ERGIC1: variants seen among roughly 807,000 people sequenced by gnomAD.
The protein encoded by ERGIC1 is endoplasmic reticulum-Golgi intermediate compartment protein 1.
ERGIC1 carries 19 observed loss-of-function variants against 38.3 expected under a neutral mutation model. That is an observed-to-expected ratio of 0.50 (90% CI 0.35 to 0.73). The LOEUF is 0.73. Among genes scored for constraint, ERGIC1 ranks in the 30% least tolerant of loss-of-function variants. The probability of loss-of-function intolerance (pLI) is 0.01; values close to 1 mark genes in which losing one functional copy is unlikely to be tolerated. For missense variants in ERGIC1, 294 were observed against 389.2 expected, an observed-to-expected ratio of 0.76 and a Z score of 2.06; for synonymous variants, 124 against 157.6, an observed-to-expected ratio of 0.79 and a Z score of 1.60.
At chr5:172,893,941 A>ATATATATATATATATATATG (rs1259799557) in intron 2 of ERGIC1, among the ~76,000 whole-genome samples, 1,469 of 38,636 alleles carry the variant, frequency 0.038, 84 homozygotes, top group Non-Finnish European at 0.066. Context: ...GTGTGTATAT[A>ATATATATATATATATATATG]TATATATATA....
intron 5 of ERGIC1, chr5:172,915,831 C>A: frequency 2.8e-6 from 1 of 351,634 alleles, no homozygotes; most frequent in Non-Finnish European, 5.9e-6. Context: ...CTCCTGCAGC[C>A]TCTGCTCAGA....
In ERGIC1 at chr5:172,938,644, C is replaced by T. The variant is rs370876499; in HGVS notation, c.765+3334C>T. 4.6e-5 allele frequency among the ~76,000 whole-genome samples: 7 copies of T among 151,220 alleles called. No individual in the cohort carries two copies. The East Asian group carries it at 5.9e-4, about 13-fold the overall frequency. On this transcript the variant is annotated intron_variant, in intron 9 of 9. Coordinates refer to ENST00000393784, the MANE Select transcript of ERGIC1 (RefSeq NM_001031711.3). Reference sequence around the variant, plus strand: ...GTGGGCACTTGTAGTCCCAGCTACTCGGGAGGCTGAGGCCGGAGAATCCCT... The same window carrying T: ...GTGGGCACTTGTAGTCCCAGCTACTTGGGAGGCTGAGGCCGGAGAATCCCT...
chr5:172,889,285 A>G (rs917886340), intron 2 of ERGIC1, among the ~76,000 whole-genome samples: 7 of 151,662 alleles, frequency 4.6e-5, no homozygotes, highest in Admixed American at 6.7e-5. Context: ...ACTCCATCTA[A>G]AAAAAAACAG....
intron 9 of ERGIC1, among the ~76,000 whole-genome samples, chr5:172,948,743 A>G (rs1236649896): frequency 2.0e-5 from 3 of 152,162 alleles, no homozygotes; most frequent in African/African-American, 4.8e-5. Flanking sequence ...TCAAGAGGAA[A>G]ATATGCTTAA....
intron 3 of ERGIC1, among the ~76,000 whole-genome samples, chr5:172,908,186 G>A (rs1335316968): frequency 6.6e-6 from 1 of 150,590 alleles, no homozygotes; most frequent in African/African-American, 2.4e-5. Context: ...ATGGGGAGAG[G>A]ATCCTGGGTT....
intron 1 of ERGIC1, among the ~76,000 whole-genome samples, chr5:172,870,723 G>A (rs1240255757): frequency 6.6e-6 from 1 of 152,198 alleles, no homozygotes; most frequent in Non-Finnish European, 1.5e-5. Flanking sequence ...GGGGAGCGGG[G>A]AGCAGAGCCC....
At chr5:172,888,599 G>A (rs1762478797) in intron 1 of ERGIC1, 100 bp from the exon 2 acceptor site, 1 of 947,424 alleles carries the variant, frequency 1.1e-6, no homozygotes, top group Non-Finnish European at 1.7e-6. Flanking sequence ...AAGAACCATG[G>A]TTTGTTGAAC....
intron 3 of ERGIC1, among the ~76,000 whole-genome samples, chr5:172,902,976 C>A (rs988385403): frequency 2.6e-5 from 4 of 152,196 alleles, no homozygotes; most frequent in Admixed American, 1.3e-4. Context: ...ACACTCCCCC[C>A]ACCCACACCT....
At chr5:172,925,580 T>C (rs770821068) in intron 6 of ERGIC1, among the ~76,000 whole-genome samples, 31 of 152,274 alleles carry the variant, frequency 2.0e-4, no homozygotes, top group Non-Finnish European at 4.1e-4. Flanking sequence ...CAGAATCATG[T>C]CCCCACGTAC....
intron 7 of ERGIC1, among the ~76,000 whole-genome samples, chr5:172,928,155 C>T (rs1302271715): frequency 1.3e-5 from 2 of 152,192 alleles, no homozygotes; most frequent in Non-Finnish European, 2.9e-5. Flanking sequence ...GATGGACCCT[C>T]AGCTGCTGGA....
At chr5:172,886,195 G>A (rs1234989945) in intron 1 of ERGIC1, among the ~76,000 whole-genome samples, 6 of 151,808 alleles carry the variant, frequency 4.0e-5, no homozygotes, top group Non-Finnish European at 7.4e-5. Context: ...CTCCAGCCCC[G>A]CCCCAGTTTT....
intron 9 of ERGIC1, among the ~76,000 whole-genome samples, chr5:172,943,701 A>T (rs1764059504): frequency 1.3e-5 from 2 of 152,214 alleles, no homozygotes; most frequent in Middle Eastern, 6.8e-3. Context: ...CAGAGCTGGG[A>T]TTGGACCGCA....
Position 172,919,057 on chromosome 5 carries a change from G to A in ERGIC1, c.375+4219G>A, listed in dbSNP as rs1581574840. On this transcript the variant is annotated intron_variant, in intron 5 of 9. Transcript: ENST00000393784. ...GCATCCACCTCACGCCTGGCTCTGT[G>A]CTTGGCGCTGGGCTGCAATGGGAGA... is the stretch of plus-strand genomic sequence containing the variant. Among the ~76,000 whole-genome samples, 8 of 152,296 alleles carry A rather than the reference G, an allele frequency of 5.3e-5. 1 individual carries two copies. The South Asian group carries it at 1.7e-3, about 32-fold the overall frequency.
At chr5:172,893,849 G>A (rs1200434098) in intron 2 of ERGIC1, among the ~76,000 whole-genome samples, 14 of 125,470 alleles carry the variant, frequency 1.1e-4, no homozygotes, top group African/African-American at 9.2e-5. Flanking sequence ...TGCCCATTAC[G>A]CTGCTGTTCA....
Position 172,834,585 on chromosome 5 carries a change from C to G in ERGIC1, c.20+152C>G, listed in dbSNP as rs1351382548. 3 of 710,622 alleles carry G rather than the reference C, an allele frequency of 4.2e-6. No homozygotes were observed. Among genetic ancestry groups the G allele is most frequent in the South Asian group, 6.9e-5 (1 of 14,446 alleles). 44.0% of individuals were successfully genotyped at this position (710,622 alleles called of 1,614,324 possible). On this transcript the variant is annotated intron_variant, in intron 1 of 9. Coordinates refer to ENST00000393784, the MANE Select transcript of ERGIC1 (RefSeq NM_001031711.3). The surrounding 1 kb of genome is among the most constrained non-coding windows in gnomAD (Gnocchi z 4.1). The stretch of plus-strand genomic sequence containing the variant: ...CCCCTAGGGACCCCAGGCGAGCCCC[C>G]CCCCTGCCGCACACGAAGCCAGCCA...
Position 172,926,995 on chromosome 5 carries a change from C to A in ERGIC1, c.541+426C>A. The A allele has an allele frequency of 5.2e-6, 1 of 190,782 alleles. No individual in the cohort carries two copies. The highest frequency in any genetic ancestry group is 1.1e-5 in the Non-Finnish European group (1 of 90,966). 11.8% of individuals were successfully genotyped at this position (190,782 alleles called of 1,614,324 possible). A position where few individuals can be genotyped will look rare whatever the true frequency, so the allele number is the denominator to read the frequency against. ...GCTGTGACCACATGGCTGCCTCCCCCACACCTCACTCTCCTCCTGCTCAGA... is the reference window on the plus strand; with the variant it reads ...GCTGTGACCACATGGCTGCCTCCCCAACACCTCACTCTCCTCCTGCTCAGA... On this transcript the variant is annotated intron_variant, in intron 7 of 9. Coordinates refer to ENST00000393784, the MANE Select transcript of ERGIC1 (RefSeq NM_001031711.3). This position sits in a 1 kb window ranked among gnomAD's most constrained non-coding sequence, Gnocchi z 5.2.
intron 1 of ERGIC1, among the ~76,000 whole-genome samples, chr5:172,884,007 G>A (rs1289060741): frequency 6.6e-6 from 1 of 152,070 alleles, no homozygotes; most frequent in Non-Finnish European, 1.5e-5. Context: ...GACGATGTCT[G>A]CCAAATTTCT....
At chr5:172,946,975 G>A (rs1213816224) in intron 9 of ERGIC1, among the ~76,000 whole-genome samples, 1 of 152,012 alleles carries the variant, frequency 6.6e-6, no homozygotes, top group Admixed American at 6.6e-5. Context: ...CTTGAGGTCA[G>A]GGGTTCGAGA....
rs113431831 is a variant in ERGIC1 at position 172,906,313 on chromosome 5, G to C, written c.156-3354G>C. ...GTGGAAAGGCTGGGTTGAGATTCTA[G>C]CTCGGCCATTTCCTAGCATGTGACT... On this transcript the variant is annotated intron_variant, in intron 3 of 9. Transcript: ENST00000393784. 2,955 of 373,500 alleles carry C rather than the reference G, an allele frequency of 7.9e-3. 71 individuals are homozygous for C. The highest frequency in any genetic ancestry group is 0.057 in the African/African-American group (2,698 of 47,362). The allele number at this position is 373,500 out of a possible 1,614,324, so 23.1% of individuals were successfully genotyped here.
Sources: gnomAD v4.1 joint callset for allele counts (sites outside exome capture counted in the v4.1 genomes callset) on GRCh38, gnomAD v4.1.1 for gene constraint, Gnocchi (gnomAD v3.1) non-coding constraint, MANE v1.5 for transcripts, NCBI Gene and HGNC (gene_info 2026-07-23, HGNC 2026-07-21) for gene names.